The following AMOTL1 variants were observed in gnomAD, a reference collection of about 807,000 sequenced individuals.
The protein encoded by AMOTL1 is angiomotin like 1.
A neutral mutation model predicts 102.9 loss-of-function variants in AMOTL1; 45 were observed. The ratio of observed to expected loss-of-function variants is 0.44; its 90% CI spans 0.34 to 0.56. The LOEUF is 0.56. Ranked by LOEUF, AMOTL1 falls within the 20% of genes least tolerant of loss-of-function variation. The probability of loss-of-function intolerance (pLI) is 0.01; values close to 1 mark genes in which losing one functional copy is unlikely to be tolerated. For missense variants in AMOTL1, 1,114 were observed against 1,225.6 expected, an observed-to-expected ratio of 0.91 and a Z score of 1.36; for synonymous variants, 481 against 484.7, an observed-to-expected ratio of 0.99 and a Z score of 0.10.
At chr11:94,748,061 C>A (rs916963517) in intron 3 of AMOTL1, among the ~76,000 whole-genome samples, 4 of 152,190 alleles carry the variant, frequency 2.6e-5, no homozygotes, top group Non-Finnish European at 5.9e-5. Flanking sequence ...ATTGCTCAAA[C>A]CATTATGACT....
At chr11:94,761,959 CT>C (rs1176348226) in intron 3 of AMOTL1, among the ~76,000 whole-genome samples, 1 of 152,160 alleles carries the variant, frequency 6.6e-6, no homozygotes, top group African/African-American at 2.4e-5. Flanking sequence ...CCAATAATTA[CT>C]TTCAAAATGG....
At chr11:94,869,816 A>G (rs1952959313) in intron 12 of AMOTL1, among the ~76,000 whole-genome samples, 1 of 152,196 alleles carries the variant, frequency 6.6e-6, no homozygotes, top group Non-Finnish European at 1.5e-5. Flanking sequence ...GGCACCAGGT[A>G]CATCAAAGGC....
At chr11:94,801,403 G>A (rs1227443351) in intron 3 of AMOTL1, among the ~76,000 whole-genome samples, 1 of 152,142 alleles carries the variant, frequency 6.6e-6, no homozygotes, top group Admixed American at 6.5e-5. Flanking sequence ...GTTTGGACAG[G>A]GAAGTTGATG....
At chr11:94,724,867 C>T (rs1030480186) in intron 1 of AMOTL1, among the ~76,000 whole-genome samples, 2 of 152,054 alleles carry the variant, frequency 1.3e-5, no homozygotes, top group African/African-American at 4.8e-5. Flanking sequence ...TGTTCATATG[C>T]GTTAGAACTA....
intron 9 of AMOTL1, among the ~76,000 whole-genome samples, chr11:94,860,660 C>T (rs145242255): frequency 1.3e-5 from 2 of 152,200 alleles, no homozygotes; most frequent in East Asian, 3.9e-4. Context: ...TTATATTGGA[C>T]ATTTAACTTA....
Position 94,855,573 on chromosome 11 carries a change from G to A in AMOTL1, c.1944+1491G>A, listed in dbSNP as rs532275284. On this transcript the variant is annotated intron_variant, in intron 8 of 12. Coordinates refer to ENST00000433060, the MANE Select transcript of AMOTL1 (RefSeq NM_130847.3). ...TTGGCTAACCAAATGGGCACATCTC[G>A]GTTCTTAGAGCACATAAAGAATGTT... 2.1e-4 allele frequency among the ~76,000 whole-genome samples: 32 copies of A among 152,220 alleles called. No homozygotes were observed. The South Asian group carries it at 4.0e-3, about 19-fold the overall frequency.
rs367885704 is a variant in AMOTL1, at chr11:94,832,046, A to C, written c.1648+505A>C. 3.9e-5 allele frequency among the ~76,000 whole-genome samples: 6 copies of C among 152,252 alleles called. No homozygotes were observed. The East Asian group carries it at 1.2e-3, about 29-fold the overall frequency. On this transcript the variant is annotated intron_variant, in intron 6 of 12. Coordinates refer to ENST00000433060, the MANE Select transcript of AMOTL1 (RefSeq NM_130847.3). The stretch of plus-strand genomic sequence containing the variant: ...AGAAGCCACTGAGACCATTTCAGCC[A>C]GGAATAATGAACAGTGGCTTTGTAA...
chr11:94,833,395 G>A (rs1952112682), intron 6 of AMOTL1, among the ~76,000 whole-genome samples: 1 of 152,186 alleles, frequency 6.6e-6, no homozygotes, highest in African/African-American at 2.4e-5. Flanking sequence ...TGTTTTCTTA[G>A]TGAGTTGTAA....
At chr11:94,852,999 C>T (rs1474750443) in intron 7 of AMOTL1, among the ~76,000 whole-genome samples, 2 of 151,980 alleles carry the variant, frequency 1.3e-5, no homozygotes, top group Non-Finnish European at 2.9e-5. Context: ...TATTTCATTC[C>T]TGCCTTTTTT....
chr11:94,799,999 T>C lies in AMOTL1; in HGVS notation c.809T>C (p.Leu270Pro). ...AGCGAGAGAATCATGCAGCTGTCCC[T>C]GGAGAGGAATGGGGCCAAGCAACAC... ...SLSERIMQLS[L>P]ERNGAKQHLP... The change falls in exon 3 of 13, where the codon CTG becomes CCG. Residue 270 changes from leucine to proline, a missense_variant. Physicochemically the swap from Leu to Pro is moderately conservative, Grantham distance 98. Transcript: ENST00000433060. This position sits in a 1 kb window ranked among gnomAD's most constrained non-coding sequence, Gnocchi z 4.5. 1.2e-6 allele frequency: 2 copies of C among 1,613,968 alleles called. No individual in the cohort carries two copies. The highest frequency in any genetic ancestry group is 1.7e-6 in the Non-Finnish European group (2 of 1,179,872).
At chr11:94,738,976 G>A (rs1950478708) in intron 2 of AMOTL1, among the ~76,000 whole-genome samples, 3 of 152,084 alleles carry the variant, frequency 2.0e-5, no homozygotes, top group African/African-American at 4.8e-5. Flanking sequence ...AGAGATCAGA[G>A]TGTGACTATG....
chr11:94,720,740 C>A (rs1041646945), intron 1 of AMOTL1, among the ~76,000 whole-genome samples: 2 of 152,056 alleles, frequency 1.3e-5, no homozygotes, highest in Non-Finnish European at 2.9e-5. Flanking sequence ...CCTGATTAAG[C>A]GAGATTTTCC....
chr11:94,800,591 C>T (rs1045883704), intron 3 of AMOTL1, among the ~76,000 whole-genome samples: 1 of 152,180 alleles, frequency 6.6e-6, no homozygotes, highest in African/African-American at 2.4e-5. Flanking sequence ...GCCTAGTGGC[C>T]TGGCAAAGTA....
chr11:94,775,095 A>G (rs1265353957), intron 1 of AMOTL1, among the ~76,000 whole-genome samples: 1 of 152,226 alleles, frequency 6.6e-6, no homozygotes, highest in Non-Finnish European at 1.5e-5. Flanking sequence ...TGTGGCTTAA[A>G]TGACATAGTG....
intron 3 of AMOTL1, among the ~76,000 whole-genome samples, chr11:94,803,106 G>A (rs1225233505): frequency 1.3e-5 from 2 of 152,190 alleles, no homozygotes; most frequent in Non-Finnish European, 2.9e-5. Flanking sequence ...TATGTAATGA[G>A]TACTCAGTAG....
chr11:94,795,179 A>G lies in AMOTL1; in HGVS notation c.199+19A>G, dbSNP rs768895413. On this transcript the variant is annotated intron_variant, in intron 2 of 12. Transcript: ENST00000433060. ...AAAGTTGGTAAGTCCTTTTACCGGC[A>G]CTTGTGTTGGAAAAGCAAAATGATC... The G allele has an allele frequency of 2.1e-5, 34 of 1,611,904 alleles. No individual in the cohort carries two copies. Among genetic ancestry groups the G allele is most frequent in the Admixed American group, 1.7e-4 (10 of 59,566 alleles).
At chr11:94,766,920 G>A (rs1241532659), upstream of AMOTL1, among the ~76,000 whole-genome samples, 2 of 152,060 alleles carry the variant, frequency 1.3e-5, no homozygotes, top group Non-Finnish European at 2.9e-5. Flanking sequence ...TGGTAAAAAC[G>A]CTTTCCTCTA....
At chr11:94,717,066 C>A (rs984070625) in intron 1 of AMOTL1, among the ~76,000 whole-genome samples, 2 of 151,750 alleles carry the variant, frequency 1.3e-5, no homozygotes, top group Non-Finnish European at 2.9e-5. Context: ...TGTAAGCCTC[C>A]CTGGTGCTCA....
chr11:94,732,195 A>C lies in AMOTL1; in HGVS notation c.85+3140A>C, dbSNP rs139495050. ...TACCAGAGAAAGCCCTGGAGTGTCC[A>C]AACCTTGGGGTTTTGTTGTTGGCTT... is the stretch of plus-strand genomic sequence containing the variant. On this transcript the variant is annotated intron_variant, in intron 2 of 4. Coordinates refer to the AMOTL1 transcript ENST00000299004. Among the ~76,000 whole-genome samples, 3 of 152,312 alleles carry C rather than the reference A, an allele frequency of 2.0e-5. No individual in the cohort carries two copies. In the East Asian group the frequency reaches 5.8e-4, roughly 29 times the overall value.
Sources: allele counts gnomAD v4.1 joint callset (sites outside exome capture counted in the v4.1 genomes callset), GRCh38; gene constraint gnomAD v4.1.1; non-coding constraint Gnocchi (gnomAD v3.1); transcripts MANE v1.5; gene names NCBI Gene and HGNC (gene_info 2026-07-23, HGNC 2026-07-21).